The following SNRPD1 variants were observed in gnomAD, a reference collection of about 807,000 sequenced individuals.
The protein encoded by SNRPD1 is small nuclear ribonucleoprotein Sm D1.
In SNRPD1, 1 loss-of-function variant was observed where a neutral mutation model predicts 14.4. The ratio of observed to expected loss-of-function variants is 0.07; its 90% CI spans 0.02 to 0.33. The LOEUF (loss-of-function observed/expected upper bound fraction) is 0.33. SNRPD1 is among the 10% of genes least tolerant of loss of function. SNRPD1 has a pLI of 1.00. For missense variants in SNRPD1, 52 were observed against 146.4 expected, an observed-to-expected ratio of 0.36 and a Z score of 3.33; for synonymous variants, 42 against 50.3, an observed-to-expected ratio of 0.83 and a Z score of 0.70.
At chr18:21,627,410 A>C in intron 3 of SNRPD1, among the ~76,000 whole-genome samples, 2 of 144,788 alleles carry the variant, frequency 1.4e-5, no homozygotes, top group African/African-American at 2.6e-5. Context: ...CCACCATCAT[A>C]CCTGGTCCAT....
chr18:21,616,078 T>C lies in SNRPD1; in HGVS notation c.14+3635T>C, dbSNP rs372653686. Among the ~76,000 whole-genome samples, 87 of 152,232 alleles carry C rather than the reference T, an allele frequency of 5.7e-4. 2 individuals carry two copies. In the South Asian group the frequency reaches 0.018, roughly 31 times the overall value. ...TTGGTTCACTGCAAGCTCCGCCTCC[T>C]GGGTTCACGCCATTCTCCTGCCTCA... is the stretch of plus-strand genomic sequence containing the variant. On this transcript the variant is annotated intron_variant, in intron 1 of 3. Coordinates refer to ENST00000300413, the MANE Select transcript of SNRPD1 (RefSeq NM_006938.4).
At position 21,623,897 on chromosome 18, in the gene SNRPD1, G is replaced by T; in HGVS notation, c.241G>T (p.Val81Leu). Residue 81 changes from valine (V) to leucine (L), a missense_variant, in exon 3 of 4, where the codon GTG becomes TTG. Transcript: ENST00000300413. ...PDSLPLDTLL[V>L]DVEPKVKSKK... ...CAGTTTACCTCTGGATACACTACTT[G>T]TGGATGTTGAACCTAAGGTGAAATC... is the stretch of plus-strand genomic sequence containing the variant. 1 of 1,607,734 alleles carries T rather than the reference G, an allele frequency of 6.2e-7. No individual in the cohort carries two copies. The highest frequency in any genetic ancestry group is 8.5e-7 in the Non-Finnish European group (1 of 1,178,286).
At chr18:21,616,560 G>C (rs1043681698) in intron 1 of SNRPD1, among the ~76,000 whole-genome samples, 1 of 151,030 alleles carries the variant, frequency 6.6e-6, no homozygotes, top group Non-Finnish European at 1.5e-5. Context: ...GTTTCACCAT[G>C]TTGGTCAGGC....
At chr18:21,626,916 T>A (rs1420200243) in intron 3 of SNRPD1, among the ~76,000 whole-genome samples, 1 of 151,402 alleles carries the variant, frequency 6.6e-6, no homozygotes, top group African/African-American at 2.4e-5. Context: ...CTTCAGGCTG[T>A]CTTCTGCGTT....
At chr18:21,622,321 T>C (rs1231305897) in intron 1 of SNRPD1, among the ~76,000 whole-genome samples, 1 of 152,028 alleles carries the variant, frequency 6.6e-6, no homozygotes, top group Non-Finnish European at 1.5e-5. Flanking sequence ...TTGTATTTTT[T>C]AGTAGAGACG....
Position 21,612,351 on chromosome 18 carries a change from C to T in SNRPD1, c.-79C>T, listed in dbSNP as rs1687110944. Reference sequence around the variant, plus strand: ...AGCCCCTGGAGTAGGCGCTTCCGGCCATTCATACTGCAGTCGGTCAGTGTT... The same window carrying T: ...AGCCCCTGGAGTAGGCGCTTCCGGCTATTCATACTGCAGTCGGTCAGTGTT... On this transcript the variant is annotated 5_prime_UTR_variant, in exon 1 of 4. Transcript: ENST00000300413. The T allele has an allele frequency of 3.5e-6, 4 of 1,146,672 alleles. No homozygotes were observed. The highest frequency in any genetic ancestry group is 4.9e-6 in the Non-Finnish European group (4 of 821,834). The allele number at this position is 1,146,672 out of a possible 1,614,324, so 71.0% of individuals were successfully genotyped here.
chr18:21,625,363 C>CTGGA (rs2039030005), intron 3 of SNRPD1, among the ~76,000 whole-genome samples: 1 of 116,368 alleles, frequency 8.6e-6, no homozygotes, highest in South Asian at 2.8e-4. Flanking sequence ...GTTAGCCAAG[C>CTGGA]TGGAGTGCAG....
At chr18:21,620,191 T>C (rs1432584966) in intron 1 of SNRPD1, among the ~76,000 whole-genome samples, 1 of 152,136 alleles carries the variant, frequency 6.6e-6, no homozygotes, top group Non-Finnish European at 1.5e-5. Flanking sequence ...CCTGACATTG[T>C]GACCCGCCCA....
intron 1 of SNRPD1, among the ~76,000 whole-genome samples, chr18:21,621,884 G>A (rs9964889): frequency 0.011 from 1,598 of 152,142 alleles, 34 homozygotes; most frequent in African/African-American, 0.036. Flanking sequence ...CCCAGCCTCA[G>A]TTCTTAGAAT....
intron 3 of SNRPD1, among the ~76,000 whole-genome samples, chr18:21,628,567 A>T (rs979150972): frequency 6.6e-6 from 1 of 152,020 alleles, no homozygotes; most frequent in Non-Finnish European, 1.5e-5. Flanking sequence ...GTGTAGGTCA[A>T]ATGAGTTTTA....
At chr18:21,618,125 T>TA (rs568824750) in intron 1 of SNRPD1, among the ~76,000 whole-genome samples, 220 of 152,088 alleles carry the variant, frequency 1.4e-3, no homozygotes, top group African/African-American at 5.1e-3. Flanking sequence ...ATATTCTTAG[T>TA]AAAAAACCTG....
At chr18:21,617,623 A>G (rs2038966974) in intron 1 of SNRPD1, among the ~76,000 whole-genome samples, 1 of 152,166 alleles carries the variant, frequency 6.6e-6, no homozygotes, top group Non-Finnish European at 1.5e-5. Flanking sequence ...TAGCTCTCCT[A>G]GAGGAATTCT....
chr18:21,629,573 C>T lies in SNRPD1; in HGVS notation c.*435C>T, dbSNP rs116963888. ...TATGGAAAATGGAAGTGAGATACAG[C>T]AACAGCCGGATTAGTTACAGTTCAG... On this transcript the variant is annotated 3_prime_UTR_variant, in exon 4 of 4. Transcript: ENST00000300413. The T allele has an allele frequency of 0.019, 3,016 of 161,766 alleles. 45 individuals carry two copies. Among genetic ancestry groups the T allele is most frequent in the Non-Finnish European group, 0.031 (2,268 of 73,306 alleles). 10.0% of individuals were successfully genotyped at this position (161,766 alleles called of 1,614,324 possible).
intron 3 of SNRPD1, among the ~76,000 whole-genome samples, chr18:21,625,092 T>A (rs1224816906): frequency 1.3e-5 from 2 of 152,086 alleles, no homozygotes; most frequent in African/African-American, 4.8e-5. Flanking sequence ...GAAGGCTGGC[T>A]GTATTTTCAA....
In SNRPD1 at chr18:21,630,437, G is replaced by A. The variant is rs1555676099; in HGVS notation, c.*1299G>A. The A allele has an allele frequency of 6.6e-6, 1 of 150,520 alleles. No individual in the cohort carries two copies. The highest frequency in any genetic ancestry group is 6.6e-5 in the Admixed American group (1 of 15,102). The allele number at this position is 150,520 out of a possible 1,614,324, so 9.3% of individuals were successfully genotyped here. On this transcript the variant is annotated 3_prime_UTR_variant, in exon 4 of 4. Transcript: ENST00000300413. ...TGTATGTGAGTTTTTTTTTTTTTAAGTAAAGAAATTTTCTGCAAAGATCGT... is the reference window on the plus strand; with the variant it reads ...TGTATGTGAGTTTTTTTTTTTTTAAATAAAGAAATTTTCTGCAAAGATCGT...
rs894817210 is a variant in SNRPD1 at position 21,626,977 on chromosome 18, C to G, written c.284-2085C>G. Among the ~76,000 whole-genome samples, 5 of 138,116 alleles carry G rather than the reference C, an allele frequency of 3.6e-5. No individual in the cohort carries two copies. The South Asian group carries it at 1.2e-3, about 32-fold the overall frequency. The allele number at this position is 138,116 out of a possible 152,430, so 90.6% of individuals were successfully genotyped here. A position where few individuals can be genotyped will look rare whatever the true frequency, so the allele number is the denominator to read the frequency against. Reference sequence around the variant, plus strand: ...TTTTTTTTGAATAAACATTTATTTTCTTTCTTTAAAAAAAAAAAAAAGAAG... The same window carrying G: ...TTTTTTTTGAATAAACATTTATTTTGTTTCTTTAAAAAAAAAAAAAAGAAG... On this transcript the variant is annotated intron_variant, in intron 3 of 3. Coordinates refer to ENST00000300413, the MANE Select transcript of SNRPD1 (RefSeq NM_006938.4).
At chr18:21,627,595 T>TTTG (rs951571300) in intron 3 of SNRPD1, among the ~76,000 whole-genome samples, 25 of 151,812 alleles carry the variant, frequency 1.6e-4, no homozygotes, top group South Asian at 1.2e-3. Flanking sequence ...GCCCAGCCCT[T>TTTG]TTGTTGTTGT....
At chr18:21,612,678 C>T (rs2038927786) in intron 1 of SNRPD1, among the ~76,000 whole-genome samples, 1 of 152,268 alleles carries the variant, frequency 6.6e-6, no homozygotes, top group Admixed American at 6.5e-5. Context: ...TTTCTTCCTG[C>T]CTAGTGACTT....
At chr18:21,615,784 CAT>C (rs1379562803) in intron 1 of SNRPD1, among the ~76,000 whole-genome samples, 1 of 152,072 alleles carries the variant, frequency 6.6e-6, no homozygotes, top group East Asian at 1.9e-4. Context: ...TGGACTGTAA[CAT>C]AGTTATGTGT....
Sources: allele counts gnomAD v4.1 joint callset (sites outside exome capture counted in the v4.1 genomes callset), GRCh38; gene constraint gnomAD v4.1.1; transcripts MANE v1.5; gene names NCBI Gene and HGNC (gene_info 2026-07-23, HGNC 2026-07-21).